Variants in SS18 observed in about 807,000 individuals in gnomAD.
SS18 encodes the protein protein SSXT.
In SS18, 28 loss-of-function variants were observed where a neutral mutation model predicts 72.5. The observed-to-expected ratio is 0.39, with a 90% CI of 0.29 to 0.53. The LOEUF (loss-of-function observed/expected upper bound fraction) is 0.53. Ranked by LOEUF, SS18 falls within the 20% of genes least tolerant of loss-of-function variation. The probability of loss-of-function intolerance (pLI) is 0.76; values close to 1 mark genes in which losing one functional copy is unlikely to be tolerated. For missense variants in SS18, 518 were observed against 535.3 expected (o/e 0.97, Z 0.32); for synonymous variants, 172 against 164.2 (o/e 1.05, Z -0.37).
chr18:26,063,005 T>C (rs1269771359), intron 3 of SS18, among the ~76,000 whole-genome samples: 1 of 152,214 alleles, frequency 6.6e-6, no homozygotes, highest in Non-Finnish European at 1.5e-5. Flanking sequence ...TTGACATTAC[T>C]AGTAACCAAT....
intron 5 of SS18, among the ~76,000 whole-genome samples, chr18:26,047,385 T>C (rs1051623596): frequency 6.6e-6 from 1 of 152,032 alleles, no homozygotes; most frequent in East Asian, 1.9e-4. Context: ...CTAATAAGCA[T>C]GCTGAACCTT....
Position 26,073,677 on chromosome 18 carries a change from G to A in SS18, c.231+4399C>T, listed in dbSNP as rs149789491. Among the ~76,000 whole-genome samples the A allele has an allele frequency of 4.9e-3, 744 of 152,256 alleles. 9 individuals are homozygous for A. Among genetic ancestry groups the A allele is most frequent in the African/African-American group, 0.017 (700 of 41,548 alleles). On this transcript the variant is annotated intron_variant, in intron 3 of 10. Transcript: ENST00000415083. ...TTGAAGAAAGAAAAAGATAGTTTCA[G>A]TTAAAAATGTGCTTGATGAAGCAGT...
chr18:26,063,528 AAATAAT>A (rs1180795330), intron 3 of SS18, among the ~76,000 whole-genome samples: 1 of 152,190 alleles, frequency 6.6e-6, no homozygotes, highest in Non-Finnish European at 1.5e-5. Context: ...AAAAAGAAAA[AAATAAT>A]AATAATAAGA....
chr18:26,047,191 TTC>T (rs2053838262), intron 5 of SS18, among the ~76,000 whole-genome samples: 1 of 151,386 alleles, frequency 6.6e-6, no homozygotes, highest in Non-Finnish European at 1.5e-5. Flanking sequence ...ATAGTTTTGT[TTC>T]TGTTAGCGCC....
rs751052232 is a variant in SS18, at chr18:26,078,116, A to T, written c.191T>A (p.Ile64Lys). Residue 64 changes from isoleucine to lysine, a missense_variant, in exon 3 of 11, where the codon ATA (isoleucine) becomes AAA (lysine). Coordinates refer to ENST00000415083, the MANE Select transcript of SS18 (RefSeq NM_001007559.3). The part of the protein sequence containing the change: ...LHTNLVYLAT[I>K]ADSNQNMQSL... Reference sequence around the variant, plus strand: ...CTGCATATTTTGATTAGAATCTGCTATTGTAGCAAGGTATACCAAGTTTGT... The same window carrying T: ...CTGCATATTTTGATTAGAATCTGCTTTTGTAGCAAGGTATACCAAGTTTGT... 2 of 1,612,856 alleles carry T rather than the reference A, an allele frequency of 1.2e-6. No homozygotes were observed. The highest frequency in any genetic ancestry group is 1.7e-6 in the Non-Finnish European group (2 of 1,179,518).
chr18:26,051,039 A>G (rs2053913762), intron 5 of SS18, among the ~76,000 whole-genome samples: 1 of 152,198 alleles, frequency 6.6e-6, no homozygotes, highest in Non-Finnish European at 1.5e-5. Flanking sequence ...ATTTTCTATT[A>G]AGAAGTTCAT....
At chr18:26,037,511 C>A (rs1244184549) in intron 7 of SS18, among the ~76,000 whole-genome samples, 1 of 151,838 alleles carries the variant, frequency 6.6e-6, no homozygotes, top group East Asian at 1.9e-4. Flanking sequence ...AAAGAAAAAA[C>A]AAAACAAAAA....
In SS18 at chr18:26,090,597, T is replaced by C; in HGVS notation, c.-28A>G. 6.4e-7 allele frequency: 1 copy of C among 1,557,742 alleles called. No homozygotes were observed. Among genetic ancestry groups the C allele is most frequent in the Non-Finnish European group, 8.7e-7 (1 of 1,151,538 alleles). ...TGCCGCCGTCACCACTATCGGCAAGTCCCGAGCGCTCCGGGTGAACGGCAA... is the reference window on the plus strand; with the variant it reads ...TGCCGCCGTCACCACTATCGGCAAGCCCCGAGCGCTCCGGGTGAACGGCAA... On this transcript the variant is annotated 5_prime_UTR_variant, in exon 1 of 11. Transcript: ENST00000415083.
At chr18:26,066,069 C>T (rs1236935345) in intron 3 of SS18, among the ~76,000 whole-genome samples, 2 of 151,918 alleles carry the variant, frequency 1.3e-5, no homozygotes, top group Non-Finnish European at 2.9e-5. Flanking sequence ...AAGGTCCCCA[C>T]TGTCTGCTCC....
Position 26,019,789 on chromosome 18 carries a change from C to CA in SS18, c.1231-1410dup, listed in dbSNP as rs869179852. 2.5e-3 allele frequency among the ~76,000 whole-genome samples: 156 copies of CA among 62,556 alleles called. 1 individual carries two copies. The highest frequency in any genetic ancestry group is 3.5e-3 in the African/African-American group (62 of 17,534). The allele number at this position is 62,556 out of a possible 152,430, so 41.0% of individuals were successfully genotyped here. ...CTTGAGCAACAGAGCAACTCTGTCT[C>CA]AAAAAAAAAAAAAAAAAAAAAAAAA... On this transcript the variant is annotated intron_variant, in intron 10 of 10. Transcript: ENST00000415083.
At chr18:26,087,696 T>C (rs2054640927) in intron 1 of SS18, 119 bp from the exon 2 acceptor site, 1 of 583,322 alleles carries the variant, frequency 1.7e-6, no homozygotes, top group East Asian at 2.9e-5. Flanking sequence ...CTCTAAAGCG[T>C]ATCCCTTAAC....
rs1398236717 is a variant in SS18, at chr18:26,039,369, A to G, written c.695T>C (p.Met232Thr). ...TTGGTTAACTTGACCCATCATTCCCATAGGTGGCTGCTGTCCTTGGTAATG... is the reference window on the plus strand; with the variant it reads ...TTGGTTAACTTGACCCATCATTCCCGTAGGTGGCTGCTGTCCTTGGTAATG... The part of the protein sequence containing the change: ...GQHYQGQQPP[M>T]GMMGQVNQGN... Residue 232 changes from methionine (M) to threonine (T), a missense_variant, in exon 6 of 11, where the codon ATG becomes ACG. By Grantham distance (81) the Met-to-Thr change is moderately conservative (BLOSUM62 -1). Transcript: ENST00000415083. The G allele has an allele frequency of 1.2e-6, 2 of 1,613,888 alleles. No homozygotes were observed. The highest frequency in any genetic ancestry group is 1.7e-6 in the Non-Finnish European group (2 of 1,179,882).
At chr18:26,027,567 G>A (rs1204486648) in intron 10 of SS18, among the ~76,000 whole-genome samples, 2 of 148,020 alleles carry the variant, frequency 1.4e-5, no homozygotes, top group African/African-American at 4.9e-5. Context: ...CGTTACTCAT[G>A]AGGCTAAGGC....
chr18:26,039,195 A>AAT, intron 6 of SS18, 94 bp downstream of exon 6: 3 of 829,488 alleles, frequency 3.6e-6, no homozygotes, highest in Non-Finnish European at 4.9e-6. Flanking sequence ...AAAAAAAAAA[A>AAT]GAAAACGCCC....
intron 5 of SS18, among the ~76,000 whole-genome samples, chr18:26,042,975 C>T (rs2143912165): frequency 6.6e-6 from 1 of 152,208 alleles, no homozygotes; most frequent in African/African-American, 2.4e-5. Context: ...CATTAATCTA[C>T]AAATTATTTT....
At chr18:26,043,063 C>T (rs1165339343) in intron 5 of SS18, among the ~76,000 whole-genome samples, 1 of 151,898 alleles carries the variant, frequency 6.6e-6, no homozygotes, top group Non-Finnish European at 1.5e-5. Context: ...ATAGCTTTAC[C>T]TGTATTATTT....
chr18:26,080,340 T>G, intron 2 of SS18: 1 of 985,402 alleles, frequency 1.0e-6, no homozygotes, highest in Non-Finnish European at 1.2e-6. Flanking sequence ...TTCCTTTGCT[T>G]GAGTATTAGT....
At chr18:26,054,729 G>C (rs1312247343) in intron 4 of SS18, among the ~76,000 whole-genome samples, 1 of 150,204 alleles carries the variant, frequency 6.7e-6, no homozygotes, top group Admixed American at 6.6e-5. Flanking sequence ...TTTATATAGA[G>C]AAAATCTCTC....
intron 2 of SS18, 63 bp downstream of exon 2, chr18:26,087,437 TA>T (rs1179918609): frequency 1.1e-6 from 1 of 878,498 alleles, no homozygotes; most frequent in Non-Finnish European, 1.9e-6. Context: ...AAGCTGTTAG[TA>T]AAAAGTAAAA....
Sources: allele counts gnomAD v4.1 joint callset (sites outside exome capture counted in the v4.1 genomes callset), GRCh38; gene constraint gnomAD v4.1.1; transcripts MANE v1.5; gene names NCBI Gene and HGNC (gene_info 2026-07-23, HGNC 2026-07-21).